Variants in IL25 observed in about 807,000 individuals in gnomAD.
The protein encoded by IL25 is interleukin 25, also known as interleukin-25.
IL25 carries 10 observed loss-of-function variants against 13.2 expected under a neutral mutation model. The observed-to-expected ratio is 0.76, with a 90% confidence interval of 0.47 to 1.29. The LOEUF (loss-of-function observed/expected upper bound fraction) is 1.29. IL25 is among the 50% of genes most tolerant of loss of function. IL25 has a pLI of 0.00. For synonymous variants in IL25, 107 were observed against 92.1 expected (o/e 1.16, Z -0.93); for missense variants, 235 against 232.4 (o/e 1.01, Z -0.07).
intron 1 of IL25, among the ~76,000 whole-genome samples, chr14:23,375,403 G>C (rs1375825313): frequency 6.6e-6 from 1 of 152,238 alleles, no homozygotes; most frequent in African/African-American, 2.4e-5. Context: ...CCCAGGACCA[G>C]TTGGAAAGCA....
rs770840296 is a variant in IL25, at chr14:23,373,409, C to T, written c.278+13C>T. The T allele has an allele frequency of 3.1e-6, 5 of 1,597,920 alleles. No individual in the cohort carries two copies. In the African/African-American group the frequency reaches 4.0e-5, roughly 13 times the overall value. Reference sequence around the variant, plus strand: ...CCTGGAGATATGAGTGAGTCTGCTGCCCCTCCCGAATGCCTGCCCTGTGTG... The same window carrying T: ...CCTGGAGATATGAGTGAGTCTGCTGTCCCTCCCGAATGCCTGCCCTGTGTG... On this transcript the variant is annotated intron_variant, in intron 1 of 1. Transcript: ENST00000329715.
chr14:23,373,051 C>A lies in IL25; in HGVS notation c.-68C>A. ...GATGCTGCTGAGGGTGGAGGGAGGC[C>A]AAGCTGCCAGGTTTGGGGCTGGGGG... On this transcript the variant is annotated 5_prime_UTR_variant, in exon 1 of 2. Coordinates refer to ENST00000329715, the Ensembl canonical transcript of IL25. 3 of 1,613,990 alleles carry A rather than the reference C, an allele frequency of 1.9e-6. No individual in the cohort carries two copies. In the Admixed American group the frequency reaches 5.0e-5, roughly 27 times the overall value.
At chr14:23,373,555 C>T (rs1371330024) in intron 1 of IL25, among the ~76,000 whole-genome samples, 159 bp downstream of exon 2, 2 of 151,642 alleles carry the variant, frequency 1.3e-5, no homozygotes, top group African/African-American at 4.8e-5. Context: ...CTAGCTCTGA[C>T]TCTCATTGGA....
exon 2 of IL25, chr14:23,375,630 A>G (rs1162031171): frequency 1.2e-6 from 2 of 1,613,008 alleles, no homozygotes; most frequent in South Asian, 2.2e-5. Context: ...CACAGGTTGG[A>G]CAGAGACTTG....
exon 2 of IL25, chr14:23,376,146 A>G: frequency 2.0e-6 from 1 of 494,084 alleles, no homozygotes; most frequent in Non-Finnish European, 3.6e-6. Context: ...CCATTTCTGG[A>G]GGCCACCACT....
At chr14:23,373,451 C>A in intron 1 of IL25, 55 bp downstream of exon 2, 4 of 1,467,994 alleles carry the variant, frequency 2.7e-6, no homozygotes, top group East Asian at 2.3e-5. Context: ...CCAGGGTATG[C>A]GTGAGGGACC....
chr14:23,372,935 C>T lies in IL25; in HGVS notation c.-184C>T, dbSNP rs769268173. ...CTTCCACGAGGCCTGTCAGTCAGTGCCCCACTTGTGACTGAGTGTGCAGTG... is the reference window on the plus strand; with the variant it reads ...CTTCCACGAGGCCTGTCAGTCAGTGTCCCACTTGTGACTGAGTGTGCAGTG... On this transcript the variant is annotated 5_prime_UTR_variant, in exon 1 of 2. Transcript: ENST00000329715. 47 of 1,607,312 alleles carry T rather than the reference C, an allele frequency of 2.9e-5. No homozygotes were observed. The South Asian group carries it at 4.4e-4, about 15-fold the overall frequency.
intron 1 of IL25, among the ~76,000 whole-genome samples, chr14:23,373,708 TTTTC>T (rs2138558575): frequency 6.6e-6 from 1 of 152,338 alleles, no homozygotes; most frequent in African/African-American, 2.4e-5. Context: ...GGTTCTCTCC[TTTTC>T]TTTTAAAACA....
exon 1 of IL25, chr14:23,373,155 C>G (rs753036474): frequency 6.2e-7 from 1 of 1,614,196 alleles, no homozygotes; most frequent in East Asian, 2.2e-5. Flanking sequence ...GGACAGTTCT[C>G]TCATTAGCCT....
Position 23,373,160 on chromosome 14 carries a change from T to A in IL25, c.42T>A (p.Ile14=). Residue 14 remains isoleucine, a synonymous_variant, in exon 1 of 2, where the codon ATT becomes ATA. Coordinates refer to ENST00000329715, the Ensembl canonical transcript of IL25. ...GATTAGGTGAGGACAGTTCTCTCAT[T>A]AGCCTTTTCCTACAGGTGGTTGCAT... is the stretch of plus-strand genomic sequence containing the variant. 1 of 1,614,148 alleles carries A rather than the reference T, an allele frequency of 6.2e-7. No homozygotes were observed. Among genetic ancestry groups the A allele is most frequent in the South Asian group, 1.1e-5 (1 of 91,074 alleles).
At chr14:23,373,028 T>G (rs376157835) in exon 1 of IL25, 1 of 1,613,906 alleles carries the variant, frequency 6.2e-7, no homozygotes, top group Non-Finnish European at 8.5e-7. Context: ...GGAGCAGAGA[T>G]GCTGCTGAGG....
chr14:23,373,832 T>C (rs1890475560), intron 1 of IL25, among the ~76,000 whole-genome samples: 1 of 152,210 alleles, frequency 6.6e-6, no homozygotes, highest in Middle Eastern at 3.2e-3. Flanking sequence ...ATGAATGGGT[T>C]AGTTATAAGC....
At position 23,373,097 on chromosome 14, in the gene IL25, G is replaced by C; in HGVS notation, c.-22G>C. 3 of 1,613,898 alleles carry C rather than the reference G, an allele frequency of 1.9e-6. No homozygotes were observed. In the Admixed American group the frequency reaches 5.0e-5, roughly 27 times the overall value. ...GGGGGCCAAGTGGAGTGAGAAACTGGGATCCCAGGGGGAGGGTGCAGATGA... is the reference window on the plus strand; with the variant it reads ...GGGGGCCAAGTGGAGTGAGAAACTGCGATCCCAGGGGGAGGGTGCAGATGA... On this transcript the variant is annotated 5_prime_UTR_variant, in exon 1 of 2. Coordinates refer to ENST00000329715, the Ensembl canonical transcript of IL25.
At chr14:23,374,781 C>A (rs1890494588) in intron 1 of IL25, among the ~76,000 whole-genome samples, 1 of 151,380 alleles carries the variant, frequency 6.6e-6, no homozygotes, top group Non-Finnish European at 1.5e-5. Context: ...ATAAGTCTTC[C>A]CATGCACTCT....
intron 1 of IL25, among the ~76,000 whole-genome samples, chr14:23,374,827 G>A (rs1365894634): frequency 6.6e-6 from 1 of 151,818 alleles, no homozygotes; most frequent in East Asian, 1.9e-4. Flanking sequence ...CACAGCGTCT[G>A]GAAGAATGTG....
chr14:23,373,524 G>A (rs186907700), intron 1 of IL25, 128 bp downstream of exon 2: 4 of 778,580 alleles, frequency 5.1e-6, no homozygotes, highest in Admixed American at 5.6e-5. Flanking sequence ...TTGGGAGTTA[G>A]ACAAGGTCTG....
exon 2 of IL25, chr14:23,375,993 G>A: frequency 7.2e-7 from 1 of 1,384,122 alleles, no homozygotes; most frequent in Non-Finnish European, 9.9e-7. Context: ...GTGCTGTCTG[G>A]AGCAGCAGGA....
chr14:23,374,675 C>T (rs971403789), intron 1 of IL25, among the ~76,000 whole-genome samples: 2 of 151,848 alleles, frequency 1.3e-5, no homozygotes, highest in African/African-American at 4.8e-5. Context: ...CTAATGGAGT[C>T]GCAGACCTGT....
chr14:23,375,670 C>T (rs1207552435), exon 2 of IL25: 1 of 1,614,242 alleles, frequency 6.2e-7, no homozygotes, highest in Non-Finnish European at 8.5e-7. Flanking sequence ...TGTACCACGC[C>T]CGTTGCCTGT....
Sources: gnomAD v4.1 joint callset for allele counts (sites outside exome capture counted in the v4.1 genomes callset) on GRCh38, gnomAD v4.1.1 for gene constraint, MANE v1.5 for transcripts, NCBI Gene and HGNC (gene_info 2026-07-23, HGNC 2026-07-21) for gene names.